The following CRMP1 variants were observed in gnomAD, a reference collection of about 807,000 sequenced individuals.
CRMP1 encodes the protein collapsin response mediator protein 1.
Under a neutral mutation model 68.3 loss-of-function variants are expected in CRMP1, and 19 were observed. The observed-to-expected ratio is 0.28, with a 90% CI of 0.19 to 0.41. The LOEUF is 0.41. CRMP1 is among the 10% of genes least tolerant of loss of function. The pLI is 1.00. For synonymous variants in CRMP1, 439 were observed against 399.6 expected, an observed-to-expected ratio of 1.10 and a Z score of -1.18; for missense variants, 791 against 967.4, an observed-to-expected ratio of 0.82 and a Z score of 2.42.
At chr4:5,829,968 C>G (rs561751416) in intron 11 of CRMP1, among the ~76,000 whole-genome samples, 2 of 152,140 alleles carry the variant, frequency 1.3e-5, no homozygotes, top group Non-Finnish European at 2.9e-5. Flanking sequence ...GTTTCCATTC[C>G]CAACAAAACT....
Position 5,841,652 on chromosome 4 carries a change from T to C in CRMP1, c.1033-224A>G, listed in dbSNP as rs41271305. 7.2e-3 allele frequency among the ~76,000 whole-genome samples: 1,093 copies of C among 152,318 alleles called. 12 individuals are homozygous for C. The highest frequency in any genetic ancestry group is 0.036 in the South Asian group (174 of 4,828). The stretch of plus-strand genomic sequence containing the variant: ...AACATCCAAGCGCTATACAAGTTTA[T>C]AGCACTGCCTCCCAGTTCTGTCCTG... On this transcript the variant is annotated intron_variant, in intron 7 of 13. Transcript: ENST00000324989. The surrounding 1 kb of genome is among the most constrained non-coding windows in gnomAD (Gnocchi z 6.9).
At chr4:5,871,893 C>T (rs1714480481) in intron 1 of CRMP1, among the ~76,000 whole-genome samples, 1 of 152,188 alleles carries the variant, frequency 6.6e-6, no homozygotes, top group Admixed American at 6.5e-5. Flanking sequence ...AAGTTACGTG[C>T]TTTGTGACCA....
chr4:5,851,299 C>T (rs886251085), intron 5 of CRMP1, 109 bp downstream of exon 5: 4 of 984,598 alleles, frequency 4.1e-6, no homozygotes, highest in African/African-American at 1.6e-5. Flanking sequence ...AACCAGGACT[C>T]GAATCCCACG....
chr4:5,823,022 C>G (rs568390793), intron 13 of CRMP1, among the ~76,000 whole-genome samples: 1 of 152,100 alleles, frequency 6.6e-6, no homozygotes. Flanking sequence ...CTTTCTTTAC[C>G]GACAACTGTC....
intron 11 of CRMP1, among the ~76,000 whole-genome samples, chr4:5,828,970 CT>C (rs1337607783): frequency 6.6e-6 from 1 of 152,072 alleles, no homozygotes; most frequent in Non-Finnish European, 1.5e-5. Flanking sequence ...TTTGACTGTA[CT>C]GGACATAAAA....
Position 5,864,717 on chromosome 4 carries a change from G to A in CRMP1, c.470+1951C>T, listed in dbSNP as rs1048159361. On this transcript the variant is annotated intron_variant, in intron 2 of 13. Transcript: ENST00000324989. ...AGGAAGGCTTCCTGGAGGAGGAGTC[G>A]CATGAGCAGGGCCCACAAGGACAAA... Among the ~76,000 whole-genome samples, 10 of 152,262 alleles carry A rather than the reference G, an allele frequency of 6.6e-5. No homozygotes were observed. In the East Asian group the frequency reaches 1.2e-3, roughly 18 times the overall value.
Position 5,821,564 on chromosome 4 carries a change from T to G in CRMP1, c.*196A>C, listed in dbSNP as rs973718134. On this transcript the variant is annotated 3_prime_UTR_variant, in exon 14 of 14. Transcript: ENST00000324989. This position sits in a 1 kb window ranked among gnomAD's most constrained non-coding sequence, Gnocchi z 4.4. ...GGTGGATTCAGCATGAACACAACTGTGGGGCAAGGAATTTCCAAGCAAACA... is the reference window on the plus strand; with the variant it reads ...GGTGGATTCAGCATGAACACAACTGGGGGGCAAGGAATTTCCAAGCAAACA... 6 of 587,034 alleles carry G rather than the reference T, an allele frequency of 1.0e-5. No homozygotes were observed. In the African/African-American group the frequency reaches 1.1e-4, roughly 11 times the overall value. The allele number at this position is 587,034 out of a possible 1,614,324, so 36.4% of individuals were successfully genotyped here. A position where few individuals can be genotyped will look rare whatever the true frequency, so the allele number is the denominator to read the frequency against.
intron 6 of CRMP1, among the ~76,000 whole-genome samples, chr4:5,847,676 C>T (rs1712323007): frequency 6.6e-6 from 1 of 152,196 alleles, no homozygotes; most frequent in South Asian, 2.1e-4. Context: ...CTTTAGATCT[C>T]CAGCACTGAA....
In CRMP1 at chr4:5,865,179, C is replaced by T. The variant is rs555825692; in HGVS notation, c.470+1489G>A. ...TCCCCTTGCTCCAATTCCCCTCTGC[C>T]TTTCCTTCTTGTGCCAGCCACTCAT... On this transcript the variant is annotated intron_variant, in intron 2 of 13. Transcript: ENST00000324989. This position sits in a 1 kb window ranked among gnomAD's most constrained non-coding sequence, Gnocchi z 4.1. 6.6e-6 allele frequency among the ~76,000 whole-genome samples: 1 copy of T among 152,132 alleles called. No homozygotes were observed. Among genetic ancestry groups the T allele is most frequent in the Non-Finnish European group, 1.5e-5 (1 of 68,038 alleles).
chr4:5,875,519 G>A lies in CRMP1; in HGVS notation c.382-8763C>T, dbSNP rs192615581. ...AGCAGAGAACCAAAGCTGTTATTAC[G>A]GTGACAGAGAAAAGACTGTGACTAT... On this transcript the variant is annotated intron_variant, in intron 1 of 13. Transcript: ENST00000324989. Among the ~76,000 whole-genome samples the A allele has an allele frequency of 3.9e-5, 6 of 152,232 alleles. No homozygotes were observed. The East Asian group carries it at 5.8e-4, about 15-fold the overall frequency.
In CRMP1 at chr4:5,881,332, T is replaced by G. The variant is rs974555049; in HGVS notation, c.381+11257A>C. ...TCAGAGCAAAGCTATGATTTGGTCA[T>G]TACAGCTCTCTAGGGCAATGGTTCT... On this transcript the variant is annotated intron_variant, in intron 1 of 13. Transcript: ENST00000324989. The surrounding 1 kb of genome is among the most constrained non-coding windows in gnomAD (Gnocchi z 4.6). Among the ~76,000 whole-genome samples, 1 of 152,224 alleles carries G rather than the reference T, an allele frequency of 6.6e-6. No homozygotes were observed. The highest frequency in any genetic ancestry group is 6.5e-5 in the Admixed American group (1 of 15,280).
At chr4:5,824,200 C>T in intron 13 of CRMP1, 1 of 712,524 alleles carries the variant, frequency 1.4e-6, no homozygotes, top group Middle Eastern at 7.0e-4. Context: ...AGTTTGCAAA[C>T]TCCTTGAGAG....
At chr4:5,871,539 G>A (rs1015850887) in intron 1 of CRMP1, among the ~76,000 whole-genome samples, 1 of 152,002 alleles carries the variant, frequency 6.6e-6, no homozygotes, top group Non-Finnish European at 1.5e-5. Flanking sequence ...GCACGCCTGT[G>A]GTCCCAGCTA....
chr4:5,884,455 C>T (rs1425495954), intron 1 of CRMP1, among the ~76,000 whole-genome samples: 1 of 149,714 alleles, frequency 6.7e-6, no homozygotes, highest in East Asian at 2.0e-4. Flanking sequence ...TACATACACA[C>T]TGGCACTCAC....
chr4:5,837,656 A>AAT (rs1173501420), intron 9 of CRMP1, among the ~76,000 whole-genome samples: 1 of 97,268 alleles, frequency 1.0e-5, no homozygotes, highest in African/African-American at 7.3e-5. Context: ...AAAATAATAA[A>AAT]ATAAAATAAA....
At chr4:5,837,747 G>A (rs1720827259) in intron 9 of CRMP1, among the ~76,000 whole-genome samples, 2 of 151,350 alleles carry the variant, frequency 1.3e-5, no homozygotes, top group Admixed American at 6.6e-5. Flanking sequence ...GGTGAGGAAG[G>A]TGAGGCTGTC....
rs17691923 is a variant in CRMP1, at chr4:5,825,153, T to C, written c.1969+341A>G. The C allele has an allele frequency of 0.056, 55,080 of 975,292 alleles. 1,584 individuals carry two copies. The highest frequency in any genetic ancestry group is 0.063 in the African/African-American group (3,589 of 57,236). The allele number at this position is 975,292 out of a possible 1,614,324, so 60.4% of individuals were successfully genotyped here. On this transcript the variant is annotated intron_variant, in intron 13 of 13. Transcript: ENST00000324989. This position sits in a 1 kb window ranked among gnomAD's most constrained non-coding sequence, Gnocchi z 4.4. ...TGCAAATGGCAGCTACTCCCATCTC[T>C]TGTTCATCCCCACCACTCCATGTTT...
Position 5,889,325 on chromosome 4 carries a change from G to C in CRMP1, c.381+3264C>G, listed in dbSNP as rs568376662. Among the ~76,000 whole-genome samples, 1 of 152,290 alleles carries C rather than the reference G, an allele frequency of 6.6e-6. No homozygotes were observed. Among genetic ancestry groups the C allele is most frequent in the African/African-American group, 2.4e-5 (1 of 41,572 alleles). On this transcript the variant is annotated intron_variant, in intron 1 of 13. Coordinates refer to ENST00000324989, the MANE Select transcript of CRMP1 (RefSeq NM_001014809.3). The surrounding 1 kb of genome is among the most constrained non-coding windows in gnomAD (Gnocchi z 4.5). ...ACCCCACAGAATTGCCTCCAAGACAGCAGGTGTTTGGAGGGCTGGGCCACT... is the reference window on the plus strand; with the variant it reads ...ACCCCACAGAATTGCCTCCAAGACACCAGGTGTTTGGAGGGCTGGGCCACT...
intron 5 of CRMP1, among the ~76,000 whole-genome samples, chr4:5,849,765 T>C (rs959757084): frequency 1.3e-5 from 2 of 152,214 alleles, no homozygotes; most frequent in African/African-American, 4.8e-5. Flanking sequence ...TCTATGCCTT[T>C]TGCTGTCTTT....
Sources: allele counts gnomAD v4.1 joint callset (sites outside exome capture counted in the v4.1 genomes callset), GRCh38; gene constraint gnomAD v4.1.1; non-coding constraint Gnocchi (gnomAD v3.1); transcripts MANE v1.5; gene names NCBI Gene and HGNC (gene_info 2026-07-23, HGNC 2026-07-21).